Variants in NUDT14 observed in about 807,000 individuals in gnomAD.
NUDT14 encodes the protein uridine diphosphate glucose pyrophosphatase NUDT14.
Under a neutral mutation model 17.5 loss-of-function variants are expected in NUDT14, and 22 were observed. The ratio of observed to expected loss-of-function variants is 1.26; its 90% CI spans 0.90 to 1.80. NUDT14 has a LOEUF of 1.80. Among genes scored for constraint, NUDT14 ranks in the 40% most tolerant of loss-of-function variants. The probability of loss-of-function intolerance (pLI) is 0.00; values close to 1 mark genes in which losing one functional copy is unlikely to be tolerated. For missense variants in NUDT14, 296 were observed against 295.6 expected (o/e 1.00, Z -0.01); for synonymous variants, 129 against 125.8 (o/e 1.03, Z -0.17).
intron 4 of NUDT14, chr14:105,176,277 A>T: frequency 1.7e-6 from 1 of 573,678 alleles, no homozygotes; most frequent in South Asian, 2.0e-5. Context: ...TGTCAGCAGC[A>T]GCTGTCACCC....
At position 105,179,936 on chromosome 14, in the gene NUDT14, C is replaced by A. The variant is rs587746309; in HGVS notation, c.81+1193G>T. On this transcript the variant is annotated intron_variant, in intron 1 of 4. Transcript: ENST00000392568. The stretch of plus-strand genomic sequence containing the variant: ...ATGCCCCCTGAGGGAGGGAGGCAGG[C>A]AGGCAGAGAGGCACTGCGACCTGGA... Among the ~76,000 whole-genome samples, 10 of 152,334 alleles carry A rather than the reference C, an allele frequency of 6.6e-5. No homozygotes were observed. In the South Asian group the frequency reaches 2.1e-3, roughly 32 times the overall value.
chr14:105,176,821 C>G (rs12891356), intron 3 of NUDT14, 50 bp from the exon 4 acceptor site: 18 of 1,579,630 alleles, frequency 1.1e-5, no homozygotes, highest in Non-Finnish European at 1.5e-5. Flanking sequence ...GTGGCCACCT[C>G]CAGGTCACCC....
chr14:105,177,814 T>C (rs1882848), intron 1 of NUDT14, 79 bp from the exon 2 acceptor site: 875,059 of 1,390,782 alleles, frequency 0.63, 276,044 homozygotes, highest in African/African-American at 0.77. Flanking sequence ...CACAGACCCA[T>C]TGCACCCACT....
rs1889137246 is a variant in NUDT14 at position 105,173,047 on chromosome 14, C to A, written c.643G>T (p.Val215Leu). The change falls in exon 5 of 5, where the codon GTG becomes TTG. Residue 215 changes from valine (V) to leucine (L), a missense_variant. Transcript: ENST00000392568. The surrounding 1 kb of genome is among the most constrained non-coding windows in gnomAD (Gnocchi z 4.7). ...CACTGGAGATCCAGGTTGGGGGCCA[C>A]CTGGCTGAGGAACCATGAGACACCA... ...IFGVSWFLSQ[V>L]APNLDLQ 3.3e-6 allele frequency: 5 copies of A among 1,516,542 alleles called. No homozygotes were observed. The highest frequency in any genetic ancestry group is 4.4e-6 in the Non-Finnish European group (5 of 1,132,188). The allele number at this position is 1,516,542 out of a possible 1,614,324, so 93.9% of individuals were successfully genotyped here. A position where few individuals can be genotyped will look rare whatever the true frequency, so the allele number is the denominator to read the frequency against.
rs144243661 is a variant in NUDT14, at chr14:105,173,245, T to A, written c.445A>T (p.Thr149Ser). The A allele has an allele frequency of 4.6e-4, 726 of 1,573,278 alleles. 1 individual carries two copies. Among genetic ancestry groups the A allele is most frequent in the Non-Finnish European group, 2.3e-4 (272 of 1,160,950 alleles). ...VATYWSGVGL[T>S]GSRQTMFYTE... ...TAGAACATGGTCTGTCTGGAGCCAG[T>A]CAGTCCCACTCCAGACCTACGGGTT... The change falls in exon 5 of 5, where the codon ACT (threonine) becomes TCT (serine). Residue 149 changes from threonine to serine, a missense_variant. Physicochemically the swap from Thr to Ser is moderately conservative, Grantham distance 58 (BLOSUM62 1). Transcript: ENST00000392568. This position sits in a 1 kb window ranked among gnomAD's most constrained non-coding sequence, Gnocchi z 4.7.
Position 105,173,525 on chromosome 14 carries a change from T to C in NUDT14, c.429-264A>G, listed in dbSNP as rs1341095672. 3.0e-6 allele frequency: 1 copy of C among 337,810 alleles called. No homozygotes were observed. The highest frequency in any genetic ancestry group is 5.3e-6 in the Non-Finnish European group (1 of 187,028). 20.9% of individuals were successfully genotyped at this position (337,810 alleles called of 1,614,324 possible). A position where few individuals can be genotyped will look rare whatever the true frequency, so the allele number is the denominator to read the frequency against. On this transcript the variant is annotated intron_variant, in intron 4 of 4. Coordinates refer to ENST00000392568, the MANE Select transcript of NUDT14 (RefSeq NM_177533.5). This position sits in a 1 kb window ranked among gnomAD's most constrained non-coding sequence, Gnocchi z 4.7. ...CGATGTGATTAAGGACCCTAACCGGTGACTTGAGCTCATCAGAAGGGAGAG... is the reference window on the plus strand; with the variant it reads ...CGATGTGATTAAGGACCCTAACCGGCGACTTGAGCTCATCAGAAGGGAGAG...
Position 105,173,119 on chromosome 14 carries a change from C to A in NUDT14, c.571G>T (p.Ala191Ser). 1.2e-6 allele frequency: 2 copies of A among 1,604,646 alleles called. No individual in the cohort carries two copies. The highest frequency in any genetic ancestry group is 1.1e-5 in the South Asian group (1 of 89,744). The change falls in exon 5 of 5, where the codon GCC (alanine) becomes TCC (serine). Residue 191 changes from alanine (A) to serine (S), a missense_variant. Ala to Ser is a moderately conservative substitution (Grantham distance 99). Coordinates refer to ENST00000392568, the MANE Select transcript of NUDT14 (RefSeq NM_177533.5). This position sits in a 1 kb window ranked among gnomAD's most constrained non-coding sequence, Gnocchi z 4.7. ...VVHLPLEGAQ[A>S]FADDPDIPKT... ...GGGATGTCCGGGTCGTCTGCAAAGG[C>A]CTGGGCGCCTTCCAGGGGCAGGTGC...
At chr14:105,180,434 C>A (rs1433022849) in intron 1 of NUDT14, among the ~76,000 whole-genome samples, 1 of 152,196 alleles carries the variant, frequency 6.6e-6, no homozygotes, top group Non-Finnish European at 1.5e-5. Context: ...TGCCACTGCA[C>A]TCCAGCCTGG....
At chr14:105,178,730 A>G (rs1335849614) in intron 1 of NUDT14, among the ~76,000 whole-genome samples, 1 of 152,196 alleles carries the variant, frequency 6.6e-6, no homozygotes, top group South Asian at 2.1e-4. Context: ...CAGCAGAGAC[A>G]CAGAAGTGCA....
At chr14:105,179,890 G>A (rs1209112957) in intron 1 of NUDT14, among the ~76,000 whole-genome samples, 1 of 152,196 alleles carries the variant, frequency 6.6e-6, no homozygotes, top group Non-Finnish European at 1.5e-5. Flanking sequence ...GCAGAGTCCT[G>A]GATGTGATGG....
intron 3 of NUDT14, 66 bp from the exon 4 acceptor site, chr14:105,176,837 G>A: frequency 1.3e-6 from 2 of 1,570,516 alleles, no homozygotes; most frequent in Non-Finnish European, 8.7e-7. Flanking sequence ...CACCCACACA[G>A]CCAAGCCCCC....
chr14:105,179,685 G>A (rs1889287353), intron 1 of NUDT14, among the ~76,000 whole-genome samples: 1 of 152,238 alleles, frequency 6.6e-6, no homozygotes, highest in African/African-American at 2.4e-5. Flanking sequence ...GAAAAGGGCA[G>A]TGACCCCATG....
At chr14:105,176,835 C>CA in intron 3 of NUDT14, 64 bp from the exon 4 acceptor site, 1 of 1,570,984 alleles carries the variant, frequency 6.4e-7, no homozygotes, top group Non-Finnish European at 8.7e-7. Context: ...GTCACCCACA[C>CA]AGCCAAGCCC....
At position 105,173,305 on chromosome 14, in the gene NUDT14, C is replaced by T. The variant is rs1028613936; in HGVS notation, c.429-44G>A. 5 of 1,458,348 alleles carry T rather than the reference C, an allele frequency of 3.4e-6. No homozygotes were observed. Among genetic ancestry groups the T allele is most frequent in the Non-Finnish European group, 2.7e-6 (3 of 1,105,128 alleles). The allele number at this position is 1,458,348 out of a possible 1,614,324, so 90.3% of individuals were successfully genotyped here. On this transcript the variant is annotated intron_variant, in intron 4 of 4. Transcript: ENST00000392568. This position sits in a 1 kb window ranked among gnomAD's most constrained non-coding sequence, Gnocchi z 4.7. ...TCTGCTGAGTCACCCACGCTGGCCC[C>T]GCTGGCCCCCTGGCCCTTCTACCAC... is the stretch of plus-strand genomic sequence containing the variant.
At position 105,173,523 on chromosome 14, in the gene NUDT14, G is replaced by A. The variant is rs889629634; in HGVS notation, c.429-262C>T. On this transcript the variant is annotated intron_variant, in intron 4 of 4. Coordinates refer to ENST00000392568, the MANE Select transcript of NUDT14 (RefSeq NM_177533.5). The surrounding 1 kb of genome is among the most constrained non-coding windows in gnomAD (Gnocchi z 4.7). Reference sequence around the variant, plus strand: ...GTCGATGTGATTAAGGACCCTAACCGGTGACTTGAGCTCATCAGAAGGGAG... The same window carrying A: ...GTCGATGTGATTAAGGACCCTAACCAGTGACTTGAGCTCATCAGAAGGGAG... 10 of 344,602 alleles carry A rather than the reference G, an allele frequency of 2.9e-5. No individual in the cohort carries two copies. The highest frequency in any genetic ancestry group is 4.3e-5 in the East Asian group (1 of 23,132). The allele number at this position is 344,602 out of a possible 1,614,324, so 21.3% of individuals were successfully genotyped here.
At position 105,172,953 on chromosome 14, in the gene NUDT14, C is replaced by A; in HGVS notation, c.*68G>T. 7.0e-7 allele frequency: 1 copy of A among 1,421,692 alleles called. No individual in the cohort carries two copies. The highest frequency in any genetic ancestry group is 9.2e-7 in the Non-Finnish European group (1 of 1,083,220). The allele number at this position is 1,421,692 out of a possible 1,614,324, so 88.1% of individuals were successfully genotyped here. ...CAGGCAGAAGCTGGAGCTATGCAAGCCTTTATTGGGGTCCGCGGGGTGTGG... is the reference window on the plus strand; with the variant it reads ...CAGGCAGAAGCTGGAGCTATGCAAGACTTTATTGGGGTCCGCGGGGTGTGG... On this transcript the variant is annotated 3_prime_UTR_variant, in exon 5 of 5. Transcript: ENST00000392568.
intron 4 of NUDT14, among the ~76,000 whole-genome samples, chr14:105,175,320 C>T (rs1470900842): frequency 6.6e-6 from 1 of 152,260 alleles, no homozygotes; most frequent in African/African-American, 2.4e-5. Context: ...GGGGTAGACA[C>T]CTGCAGAAAA....
At chr14:105,175,769 T>C (rs907578807) in intron 4 of NUDT14, 15 of 1,012,004 alleles carry the variant, frequency 1.5e-5, no homozygotes, top group Middle Eastern at 5.0e-4. Context: ...GGTGAAGTCC[T>C]TGAGGCTGCT....
In NUDT14 at chr14:105,181,235, GC is replaced by G; in HGVS notation, c.-27del. 4.1e-6 allele frequency: 1 copy of G among 242,510 alleles called. No homozygotes were observed. Among genetic ancestry groups the G allele is most frequent in the Non-Finnish European group, 5.2e-6 (1 of 192,676 alleles). 15.0% of individuals were successfully genotyped at this position (242,510 alleles called of 1,614,324 possible). ...GGCGGCGCCCGGACAGGCGGGGGCC[GC>G]GAGCTCTGCGGGGGCCGACACGGGG... On this transcript the variant is annotated 5_prime_UTR_variant, in exon 1 of 5. Coordinates refer to ENST00000392568, the MANE Select transcript of NUDT14 (RefSeq NM_177533.5). This position sits in a 1 kb window ranked among gnomAD's most constrained non-coding sequence, Gnocchi z 5.0.
Sources: allele counts gnomAD v4.1 joint callset (sites outside exome capture counted in the v4.1 genomes callset), GRCh38; gene constraint gnomAD v4.1.1; non-coding constraint Gnocchi (gnomAD v3.1); transcripts MANE v1.5; gene names NCBI Gene and HGNC (gene_info 2026-07-23, HGNC 2026-07-21).